NTRK2: variants seen among roughly 807,000 people sequenced by gnomAD.
NTRK2 encodes the protein BDNF/NT-3 growth factors receptor.
In NTRK2, 13 loss-of-function variants were observed where a neutral mutation model predicts 94.5. The observed-to-expected ratio is 0.14, with a 90% CI of 0.09 to 0.22. The LOEUF is 0.22. Among genes scored for constraint, NTRK2 ranks in the 10% least tolerant of loss-of-function variants. The pLI is 1.00. For synonymous variants in NTRK2, 372 were observed against 407.4 expected (o/e 0.91, Z 1.05); for missense variants, 639 against 1,071.2 (o/e 0.60, Z 5.63).
chr9:84,677,053 A>T (rs975217551), intron 2 of NTRK2, among the ~76,000 whole-genome samples: 4 of 152,100 alleles, frequency 2.6e-5, no homozygotes, highest in Admixed American at 1.3e-4. Context: ...AAAAGCCTTC[A>T]TGAGTTGGCA....
At chr9:84,895,034 C>T (rs2076719003) in intron 14 of NTRK2, among the ~76,000 whole-genome samples, 1 of 152,110 alleles carries the variant, frequency 6.6e-6, no homozygotes, top group Admixed American at 6.5e-5. Flanking sequence ...ATAACCTATA[C>T]AGCTTACCAT....
In NTRK2 at chr9:84,882,195, A is replaced by AAC. The variant is rs143087277; in HGVS notation, c.1633+14781_1633+14782dup. Among the ~76,000 whole-genome samples the AAC allele has an allele frequency of 7.8e-4, 118 of 150,636 alleles. 3 individuals are homozygous for AAC. The South Asian group carries it at 0.01, about 13-fold the overall frequency. On this transcript the variant is annotated intron_variant, in intron 14 of 18. Transcript: ENST00000277120. Reference sequence around the variant, plus strand: ...GCCAGGCTTCTTTCATGCTCCCACCAACACACACACACACACACTGACCCA... The same window carrying AAC: ...GCCAGGCTTCTTTCATGCTCCCACCAACACACACACACACACACACTGACCCA...
chr9:84,972,500 A>T (rs1253074333), intron 17 of NTRK2, among the ~76,000 whole-genome samples: 1 of 152,214 alleles, frequency 6.6e-6, no homozygotes, highest in Non-Finnish European at 1.5e-5. Context: ...CTTTATGTGT[A>T]CTATAACCGT....
At chr9:84,821,694 C>T (rs2072846844) in intron 12 of NTRK2, among the ~76,000 whole-genome samples, 1 of 152,086 alleles carries the variant, frequency 6.6e-6, no homozygotes. Flanking sequence ...CTTCCATTTT[C>T]CAGGGTTTAT....
intron 14 of NTRK2, among the ~76,000 whole-genome samples, chr9:84,891,029 T>C (rs1193683694): frequency 1.3e-5 from 2 of 152,222 alleles, no homozygotes; most frequent in Non-Finnish European, 2.9e-5. Context: ...AACAATTTAC[T>C]TTTCCCATAG....
intron 14 of NTRK2, among the ~76,000 whole-genome samples, chr9:84,897,147 T>C (rs898949530): frequency 6.6e-6 from 1 of 152,052 alleles, no homozygotes; most frequent in African/African-American, 2.4e-5. Context: ...CCCATTTTTT[T>C]TTCTGTCTGA....
At chr9:84,955,944 G>C (rs1446653720) in intron 17 of NTRK2, among the ~76,000 whole-genome samples, 1 of 152,186 alleles carries the variant, frequency 6.6e-6, no homozygotes, top group African/African-American at 2.4e-5. Context: ...ATTTTGGGGG[G>C]ACGCAGGTCA....
At chr9:84,912,847 A>C (rs942760245) in intron 14 of NTRK2, among the ~76,000 whole-genome samples, 3 of 151,768 alleles carry the variant, frequency 2.0e-5, no homozygotes, top group Non-Finnish European at 2.9e-5. Context: ...CGATCTCCTG[A>C]CCTTGTGATC....
At chr9:84,823,986 G>A (rs2073022725) in intron 12 of NTRK2, among the ~76,000 whole-genome samples, 1 of 152,154 alleles carries the variant, frequency 6.6e-6, no homozygotes, top group Non-Finnish European at 1.5e-5. Flanking sequence ...GACCGGTATG[G>A]GGAAGCAGGA....
At chr9:84,760,295 T>C (rs990201137) in intron 12 of NTRK2, among the ~76,000 whole-genome samples, 1 of 152,232 alleles carries the variant, frequency 6.6e-6, no homozygotes, top group African/African-American at 2.4e-5. Flanking sequence ...TAGTTTAGTA[T>C]CTGTCTCTTT....
rs531861774 is a variant in NTRK2 at position 84,961,545 on chromosome 9, A to T, written c.2172+6028A>T. On this transcript the variant is annotated intron_variant, in intron 17 of 18. Coordinates refer to ENST00000277120, the MANE Select transcript of NTRK2 (RefSeq NM_006180.6). ...TTCTAAATTGGTTTAATTTGTATTC[A>T]GCCTCCCTAAGAACCTTTTACATAT... Among the ~76,000 whole-genome samples, 7 of 152,352 alleles carry T rather than the reference A, an allele frequency of 4.6e-5. No homozygotes were observed. The East Asian group carries it at 1.3e-3, about 29-fold the overall frequency.
intron 17 of NTRK2, among the ~76,000 whole-genome samples, chr9:84,974,214 A>G (rs926426989): frequency 2.6e-4 from 40 of 152,236 alleles, no homozygotes; most frequent in Non-Finnish European, 2.9e-4. Flanking sequence ...ACCTGATAAC[A>G]GTGTCTGAAC....
intron 17 of NTRK2, among the ~76,000 whole-genome samples, chr9:84,980,955 T>C (rs1827515629): frequency 6.6e-6 from 1 of 152,242 alleles, no homozygotes; most frequent in Non-Finnish European, 1.5e-5. Context: ...AATGACCTCA[T>C]GGCAGGACAG....
intron 2 of NTRK2, among the ~76,000 whole-genome samples, chr9:84,699,685 T>C (rs1033842288): frequency 6.7e-6 from 1 of 149,624 alleles, no homozygotes; most frequent in African/African-American, 2.5e-5. Flanking sequence ...TTCTAACGAG[T>C]GTATGCATTT....
intron 14 of NTRK2, among the ~76,000 whole-genome samples, chr9:84,892,212 A>G (rs1454671780): frequency 6.6e-6 from 1 of 152,212 alleles, no homozygotes; most frequent in African/African-American, 2.4e-5. Flanking sequence ...ACAGGATTGT[A>G]TATTACACTC....
intron 17 of NTRK2, among the ~76,000 whole-genome samples, chr9:84,968,632 C>T (rs556346736): frequency 1.3e-5 from 2 of 152,274 alleles, no homozygotes; most frequent in East Asian, 3.9e-4. Context: ...TTCTCACTTT[C>T]AATATGTGTA....
chr9:85,003,097 A>G (rs7036165), intron 17 of NTRK2, among the ~76,000 whole-genome samples: 111,133 of 152,108 alleles, frequency 0.73, 41,254 homozygotes, highest in African/African-American at 0.82. Context: ...TTATTGTCCT[A>G]TGGTTTTCCT....
chr9:84,741,239 T>C (rs1354031089), intron 9 of NTRK2, among the ~76,000 whole-genome samples: 1 of 152,250 alleles, frequency 6.6e-6, no homozygotes, highest in Admixed American at 6.5e-5. Flanking sequence ...CAAAATTAAA[T>C]TGATAACTTT....
chr9:84,987,787 AT>A (rs1439971156), intron 17 of NTRK2, among the ~76,000 whole-genome samples: 1 of 152,228 alleles, frequency 6.6e-6, no homozygotes, highest in African/African-American at 2.4e-5. Flanking sequence ...AAGAATTTTA[AT>A]GGTAGAACTT....
Sources: allele counts gnomAD v4.1 joint callset (sites outside exome capture counted in the v4.1 genomes callset), GRCh38; gene constraint gnomAD v4.1.1; transcripts MANE v1.5; gene names NCBI Gene and HGNC (gene_info 2026-07-23, HGNC 2026-07-21).